Variants in LRRC37A3 observed in about 807,000 individuals in gnomAD.
LRRC37A3 encodes leucine-rich repeat-containing protein 37A3.
A neutral mutation model predicts 106.2 loss-of-function variants in LRRC37A3; 25 were observed. That is an observed-to-expected ratio of 0.24 (90% CI 0.17 to 0.33). The LOEUF (loss-of-function observed/expected upper bound fraction) is 0.33. Ranked by LOEUF, LRRC37A3 falls within the 10% of genes least tolerant of loss-of-function variation. The pLI is 1.00. For missense variants in LRRC37A3, 712 were observed against 1,644.9 expected (o/e 0.43, Z 9.81); for synonymous variants, 305 against 635.8 (o/e 0.48, Z 7.83).
intron 8 of LRRC37A3, among the ~76,000 whole-genome samples, chr17:64,869,532 A>ATTTT (rs1157660467): frequency 8.0e-6 from 1 of 125,122 alleles, no homozygotes; most frequent in African/African-American, 3.3e-5. Flanking sequence ...TTGTTCATCT[A>ATTTT]TTTTTTTTTT....
chr17:64,872,131 CAAA>C (rs1225535618), intron 8 of LRRC37A3, among the ~76,000 whole-genome samples: 1 of 22,670 alleles, frequency 4.4e-5, no homozygotes, highest in Non-Finnish European at 9.3e-5. Context: ...GACTCTGTCT[CAAA>C]AAAAAAAAAA....
Position 64,859,636 on chromosome 17 carries a change from C to A in LRRC37A3, c.4510G>T (p.Asp1504Tyr). Residue 1504 changes from aspartate (D) to tyrosine (Y), a missense_variant, in exon 12 of 15, where the codon GAC becomes TAC. Transcript: ENST00000584306. ...IAHVIRTLKMDCSGAHVQVTC... is the reference protein window; with the variant it reads ...IAHVIRTLKMYCSGAHVQVTC... ...ACTTGCACATGGGCCCCAGAGCAGT[C>A]CATCTTCAAGGTCCGGATAACATGA... 6.2e-7 allele frequency: 1 copy of A among 1,613,566 alleles called. No homozygotes were observed. The highest frequency in any genetic ancestry group is 8.5e-7 in the Non-Finnish European group (1 of 1,179,958).
At chr17:64,914,261 T>A (rs1974656998) in intron 2 of LRRC37A3, among the ~76,000 whole-genome samples, 1 of 152,022 alleles carries the variant, frequency 6.6e-6, no homozygotes, top group Non-Finnish European at 1.5e-5. Flanking sequence ...GATATGTTTT[T>A]AAAAGTGCAC....
intron 10 of LRRC37A3, among the ~76,000 whole-genome samples, chr17:64,866,801 T>TTATATATATATATATA (rs61583094): frequency 2.2e-4 from 28 of 124,712 alleles, no homozygotes; most frequent in African/African-American, 8.2e-4. Flanking sequence ...TGGCTGATTT[T>TTATATATATATATATA]TATATATATA....
intron 2 of LRRC37A3, among the ~76,000 whole-genome samples, chr17:64,910,664 A>G (rs1466115463): frequency 1.2e-4 from 6 of 50,776 alleles, no homozygotes; most frequent in Non-Finnish European, 2.0e-4. Context: ...TTTTTTTTTG[A>G]GCTGGAGTCT....
At chr17:64,893,855 T>C (rs1320893983) in intron 4 of LRRC37A3, among the ~76,000 whole-genome samples, 1 of 148,456 alleles carries the variant, frequency 6.7e-6, no homozygotes, top group Non-Finnish European at 1.5e-5. Context: ...GGTTTCACCA[T>C]GTTAGCCAGG....
chr17:64,879,473 AG>A (rs1363014896), intron 8 of LRRC37A3, among the ~76,000 whole-genome samples: 1 of 152,054 alleles, frequency 6.6e-6, no homozygotes, highest in East Asian at 1.9e-4. Context: ...GTCAGTGGCG[AG>A]GCTGGGAGCC....
intron 10 of LRRC37A3, among the ~76,000 whole-genome samples, chr17:64,867,434 A>C (rs1665193325): frequency 6.6e-6 from 1 of 152,118 alleles, no homozygotes; most frequent in Non-Finnish European, 1.5e-5. Flanking sequence ...AGGAGTGAAC[A>C]GTTGTCCCGC....
At chr17:64,872,781 G>C (rs544082850) in intron 8 of LRRC37A3, among the ~76,000 whole-genome samples, 2 of 152,050 alleles carry the variant, frequency 1.3e-5, no homozygotes, top group African/African-American at 4.8e-5. Context: ...AATCTCACGC[G>C]CATGCATAGG....
At chr17:64,910,922 G>A (rs1224912603) in intron 2 of LRRC37A3, among the ~76,000 whole-genome samples, 3 of 150,628 alleles carry the variant, frequency 2.0e-5, no homozygotes, top group South Asian at 2.1e-4. Context: ...GATTACAGGC[G>A]TGAGCCACCA....
rs549788647 is a variant in LRRC37A3 at position 64,855,743 on chromosome 17, C to T, written c.4859+97G>A. 6.4e-5 allele frequency: 101 copies of T among 1,575,022 alleles called. No individual in the cohort carries two copies. The Middle Eastern group carries it at 7.0e-4, about 11-fold the overall frequency. ...CTTGAACCTGGGAAGTGGAGGTTGC[C>T]GTGAGCCGAGATCGCGTCATTGCAC... On this transcript the variant is annotated intron_variant, in intron 14 of 14. Transcript: ENST00000584306.
chr17:64,864,425 A>G (rs1972989587), intron 10 of LRRC37A3, among the ~76,000 whole-genome samples: 1 of 152,218 alleles, frequency 6.6e-6, no homozygotes, highest in East Asian at 1.9e-4. Context: ...CTGATCTTTG[A>G]TTGGATTCTG....
intron 10 of LRRC37A3, among the ~76,000 whole-genome samples, chr17:64,864,357 G>A (rs1488773291): frequency 6.6e-5 from 10 of 152,196 alleles, no homozygotes; most frequent in Non-Finnish European, 1.5e-4. Context: ...TCATGAAAGA[G>A]CAAAGAAAGT....
At chr17:64,869,532 AT>A (rs1157660467) in intron 8 of LRRC37A3, among the ~76,000 whole-genome samples, 9,388 of 125,040 alleles carry the variant, frequency 0.075, 855 homozygotes, top group African/African-American at 0.28. Flanking sequence ...TTGTTCATCT[AT>A]TTTTTTTTTT....
At chr17:64,917,112 G>C (rs1974720819) in intron 2 of LRRC37A3, among the ~76,000 whole-genome samples, 1 of 151,716 alleles carries the variant, frequency 6.6e-6, no homozygotes, top group African/African-American at 2.4e-5. Flanking sequence ...CGGGCGTGGT[G>C]GTAGGCCCCT....
At chr17:64,872,231 A>T (rs1415823514) in intron 8 of LRRC37A3, among the ~76,000 whole-genome samples, 1 of 147,852 alleles carries the variant, frequency 6.8e-6, no homozygotes, top group African/African-American at 2.6e-5. Context: ...AAAAAAAAAA[A>T]TTGACCAGAA....
At chr17:64,868,395 A>G (rs1973191034) in intron 10 of LRRC37A3, 67 bp downstream of exon 10, 1 of 1,559,296 alleles carries the variant, frequency 6.4e-7, no homozygotes, top group African/African-American at 1.4e-5. Flanking sequence ...ACCTGACTTA[A>G]GAAAATAATA....
rs779866938 is a variant in LRRC37A3 at position 64,897,061 on chromosome 17, T to C, written c.197A>G (p.His66Arg). 3 of 1,602,920 alleles carry C rather than the reference T, an allele frequency of 1.9e-6. No homozygotes were observed. The highest frequency in any genetic ancestry group is 1.1e-5 in the South Asian group (1 of 90,912). ...PPEPWSSHSS[H>R]FPRESPHAPT... is the part of the protein sequence containing the mutation. ...CGCATGGGGAGATTCCCGTGGGAAA[T>C]GGGAGGAGTGGGAAGACCAGGGCTC... is the stretch of plus-strand genomic sequence containing the variant. The change falls in exon 4 of 15, where the codon CAT becomes CGT. Residue 66 changes from histidine (H) to arginine (R), a missense_variant. His to Arg is a conservative substitution (Grantham distance 29, BLOSUM62 0). Transcript: ENST00000584306.
intron 2 of LRRC37A3, among the ~76,000 whole-genome samples, chr17:64,899,399 AAC>A (rs1240533324): frequency 6.8e-6 from 1 of 146,906 alleles, no homozygotes; most frequent in Non-Finnish European, 1.5e-5. Context: ...CAGCCTGGAC[AAC>A]AGAGTGAGAC....
Sources: gnomAD v4.1 joint callset for allele counts (sites outside exome capture counted in the v4.1 genomes callset) on GRCh38, gnomAD v4.1.1 for gene constraint, MANE v1.5 for transcripts, NCBI Gene and HGNC (gene_info 2026-07-23, HGNC 2026-07-21) for gene names.